SLC14A2: variants seen among roughly 807,000 people sequenced by gnomAD.
SLC14A2 encodes urea transporter 2.
Under a neutral mutation model 104.6 loss-of-function variants are expected in SLC14A2, and 91 were observed. That is an observed-to-expected ratio of 0.87 (90% CI 0.73 to 1.04). The LOEUF (loss-of-function observed/expected upper bound fraction) is 1.04, where lower values mean the gene tolerates loss of function less well. Ranked by LOEUF, SLC14A2 falls within the 50% of genes least tolerant of loss-of-function variation. The pLI is 0.00. For synonymous variants in SLC14A2, 476 were observed against 466.4 expected (o/e 1.02, Z -0.27); for missense variants, 1,189 against 1,156.0 (o/e 1.03, Z -0.41).
At chr18:45,529,061 A>G (rs1457597506) in intron 2 of SLC14A2, 1 of 152,252 alleles carries the variant, frequency 6.6e-6, no homozygotes, top group Non-Finnish European at 1.5e-5. Flanking sequence ...CAGCCCTACC[A>G]TCAGCTGAAT....
At chr18:45,498,006 A>T (rs2043129039) in intron 2 of SLC14A2, among the ~76,000 whole-genome samples, 1 of 152,172 alleles carries the variant, frequency 6.6e-6, no homozygotes, top group African/African-American at 2.4e-5. Flanking sequence ...TCCTTCATAG[A>T]CTTAGGAGGT....
chr18:45,649,720 C>T (rs1400423932), intron 10 of SLC14A2, among the ~76,000 whole-genome samples: 3 of 152,206 alleles, frequency 2.0e-5, no homozygotes, highest in African/African-American at 7.2e-5. Context: ...ATTTTGGAGG[C>T]GAGGGGCTCC....
the SLC14A2 span, among the ~76,000 whole-genome samples, chr18:45,202,236 C>T: frequency 6.6e-6 from 1 of 152,120 alleles, no homozygotes; most frequent in Non-Finnish European, 1.5e-5. Context: ...ATAGATATAG[C>T]AAAAGCCCAA....
chr18:45,217,216 A>T (rs1001034013), intron 1 of SLC14A2, among the ~76,000 whole-genome samples: 2 of 148,720 alleles, frequency 1.3e-5, no homozygotes. Flanking sequence ...AAATATTTAT[A>T]TATGTTTTTA....
intron 1 of SLC14A2, among the ~76,000 whole-genome samples, chr18:45,395,006 G>A (rs570735721): frequency 6.6e-6 from 1 of 152,030 alleles, no homozygotes; most frequent in Non-Finnish European, 1.5e-5. Context: ...GTGGGTACTG[G>A]CCAAAAAGAA....
At chr18:45,232,672 A>T (rs2084186353) in intron 1 of SLC14A2, among the ~76,000 whole-genome samples, 1 of 152,240 alleles carries the variant, frequency 6.6e-6, no homozygotes, top group Non-Finnish European at 1.5e-5. Context: ...GAGACTGTAT[A>T]TAAATACATT....
Position 45,637,104 on chromosome 18 carries a change from C to T in SLC14A2, c.765C>T (p.Asn255=). Residue 255 remains asparagine (N), a synonymous_variant, in exon 6 of 20, where the codon AAC becomes AAT. Transcript: ENST00000255226. ...TLYLAATGHY[N]LFFPTTLVEP... ...ACCTTGCAGCCACAGGCCACTACAA[C>T]CTCTTCTTCCCCACAACACTGGTAG... 5 of 1,614,220 alleles carry T rather than the reference C, an allele frequency of 3.1e-6. No individual in the cohort carries two copies. The highest frequency in any genetic ancestry group is 4.2e-6 in the Non-Finnish European group (5 of 1,180,014).
At chr18:45,169,861 C>A in the SLC14A2 span, among the ~76,000 whole-genome samples, 1 of 152,126 alleles carries the variant, frequency 6.6e-6, no homozygotes, top group African/African-American at 2.4e-5. Flanking sequence ...GAAAACAGCA[C>A]CCCAGGGACC....
chr18:45,394,384 T>A (rs2086005868), intron 1 of SLC14A2, among the ~76,000 whole-genome samples: 1 of 152,202 alleles, frequency 6.6e-6, no homozygotes, highest in South Asian at 2.1e-4. Flanking sequence ...ATAGACAGAC[T>A]CTGAATCCAG....
intron 1 of SLC14A2, among the ~76,000 whole-genome samples, chr18:45,438,909 C>CTTAATTT (rs2086639441): frequency 6.6e-6 from 1 of 152,124 alleles, no homozygotes; most frequent in African/African-American, 2.4e-5. Flanking sequence ...TTAATTTTCC[C>CTTAATTT]AGTGATTCTC....
intron 1 of SLC14A2, among the ~76,000 whole-genome samples, chr18:45,338,469 G>A (rs1039125580): frequency 8.6e-5 from 13 of 151,964 alleles, no homozygotes; most frequent in Admixed American, 2.0e-4. Flanking sequence ...CCAAAGTGTT[G>A]GGATTACAGG....
the SLC14A2 span, among the ~76,000 whole-genome samples, chr18:45,169,480 G>A: frequency 6.6e-6 from 1 of 152,118 alleles, no homozygotes; most frequent in Non-Finnish European, 1.5e-5. Context: ...CCTCTTCTAA[G>A]GTTGCTTCCA....
At chr18:45,532,730 C>G (rs1397519632) in intron 2 of SLC14A2, among the ~76,000 whole-genome samples, 1 of 152,112 alleles carries the variant, frequency 6.6e-6, no homozygotes, top group Non-Finnish European at 1.5e-5. Context: ...ACTTCCAACA[C>G]TATGTTGAAT....
intron 1 of SLC14A2, among the ~76,000 whole-genome samples, chr18:45,237,303 T>G (rs963393607): frequency 4.6e-5 from 7 of 152,286 alleles, no homozygotes; most frequent in Admixed American, 4.6e-4. Flanking sequence ...CTAGACCCCT[T>G]GTTTTTATGA....
At chr18:45,227,665 T>C (rs2084133058) in intron 1 of SLC14A2, among the ~76,000 whole-genome samples, 1 of 152,188 alleles carries the variant, frequency 6.6e-6, no homozygotes, top group South Asian at 2.1e-4. Context: ...ACATTGAAAC[T>C]GTGGCAGATG....
chr18:45,374,179 G>A (rs2085750791), intron 1 of SLC14A2, among the ~76,000 whole-genome samples: 1 of 152,116 alleles, frequency 6.6e-6, no homozygotes, highest in African/African-American at 2.4e-5. Context: ...TTATTGCAGA[G>A]AGGCCCACAA....
rs771957640 is a variant in SLC14A2, at chr18:45,663,914, A to T, written c.1474+7A>T. 6.2e-7 allele frequency: 1 copy of T among 1,608,834 alleles called. No individual in the cohort carries two copies. Among genetic ancestry groups the T allele is most frequent in the South Asian group, 1.1e-5 (1 of 90,256 alleles). On this transcript the variant is annotated splice_region_variant and intron_variant, in intron 11 of 19. Coordinates refer to ENST00000255226, the MANE Select transcript of SLC14A2 (RefSeq NM_007163.4). ...ATTCGGAGGAGGAGCAAAGGTGTGC[A>T]TGTCCTCCCCCTCACGCTTGGATCC...
chr18:45,342,121 C>A (rs1294269891), intron 1 of SLC14A2, among the ~76,000 whole-genome samples: 1 of 152,182 alleles, frequency 6.6e-6, no homozygotes, highest in Non-Finnish European at 1.5e-5. Context: ...AATGAAGTAG[C>A]TGTACATTTC....
At chr18:45,442,922 T>C (rs938349595) in intron 1 of SLC14A2, among the ~76,000 whole-genome samples, 1 of 152,210 alleles carries the variant, frequency 6.6e-6, no homozygotes, top group Non-Finnish European at 1.5e-5. Flanking sequence ...GCATGGGGAT[T>C]GGCAGGTGCT....
Sources: gnomAD v4.1 joint callset for allele counts (sites outside exome capture counted in the v4.1 genomes callset) on GRCh38, gnomAD v4.1.1 for gene constraint, MANE v1.5 for transcripts, NCBI Gene and HGNC (gene_info 2026-07-23, HGNC 2026-07-21) for gene names.